The following PPP1R9A variants were observed in gnomAD, a reference collection of about 807,000 sequenced individuals.
PPP1R9A encodes the protein neurabin-1.
Under a neutral mutation model 141.9 loss-of-function variants are expected in PPP1R9A, and 59 were observed. That is an observed-to-expected ratio of 0.42 (90% confidence interval 0.34 to 0.52). The LOEUF is 0.52. PPP1R9A is among the 20% of genes least tolerant of loss of function. The pLI is 0.10. For missense variants in PPP1R9A, 1,444 were observed against 1,611.9 expected (o/e 0.90, Z 1.78); for synonymous variants, 500 against 569.7 (o/e 0.88, Z 1.74).
At chr7:95,137,537 G>A (rs1403303899) in intron 4 of PPP1R9A, among the ~76,000 whole-genome samples, 1 of 151,952 alleles carries the variant, frequency 6.6e-6, no homozygotes, top group Admixed American at 6.6e-5. Context: ...GAAATTAAGG[G>A]TTGATGGCAG....
chr7:94,945,970 A>T (rs902067976), intron 2 of PPP1R9A, among the ~76,000 whole-genome samples: 1 of 152,142 alleles, frequency 6.6e-6, no homozygotes, highest in African/African-American at 2.4e-5. Context: ...ATTCCAAAAA[A>T]GTTCAAAATT....
chr7:94,976,307 C>CATA (rs1441641996), intron 2 of PPP1R9A, among the ~76,000 whole-genome samples: 11 of 150,490 alleles, frequency 7.3e-5, no homozygotes, highest in Non-Finnish European at 1.5e-4. Context: ...GTGAGTCATG[C>CATA]ATAATACATT....
chr7:95,163,264 T>G (rs764408960), intron 5 of PPP1R9A, among the ~76,000 whole-genome samples: 41 of 152,220 alleles, frequency 2.7e-4, no homozygotes, highest in Non-Finnish European at 5.7e-4. Context: ...CTTGTGTTAT[T>G]ATTTTCAGCC....
intron 16 of PPP1R9A, among the ~76,000 whole-genome samples, chr7:95,281,587 T>C (rs1050065180): frequency 1.3e-5 from 2 of 152,202 alleles, no homozygotes; most frequent in African/African-American, 4.8e-5. Context: ...AGATGTGACC[T>C]TCAGATTTTT....
At chr7:95,086,522 AT>A (rs1584616705) in intron 2 of PPP1R9A, among the ~76,000 whole-genome samples, 1 of 152,020 alleles carries the variant, frequency 6.6e-6, no homozygotes, top group East Asian at 1.9e-4. Flanking sequence ...AATATCTTGA[AT>A]TTCCTTGCAA....
chr7:95,045,051 G>C (rs180795275), intron 2 of PPP1R9A, among the ~76,000 whole-genome samples: 106 of 152,120 alleles, frequency 7.0e-4, no homozygotes, highest in Non-Finnish European at 1.4e-3. Flanking sequence ...AATTAGGTAA[G>C]ATGATTGACT....
At chr7:95,153,132 G>A (rs543071698) in intron 4 of PPP1R9A, among the ~76,000 whole-genome samples, 2 of 152,268 alleles carry the variant, frequency 1.3e-5, no homozygotes, top group African/African-American at 4.8e-5. Context: ...TTACACGCAT[G>A]AGCCACTGCG....
At position 95,030,591 on chromosome 7, in the gene PPP1R9A, A is replaced by C. The variant is rs533931482; in HGVS notation, c.1396-80668A>C. ...TCCTAGAGGCAAATATTTTGGACTG[A>C]GTTTTCCTGTCCAAGTGTTAGCTCT... On this transcript the variant is annotated intron_variant, in intron 2 of 19. Coordinates refer to ENST00000433360, the MANE Select transcript of PPP1R9A (RefSeq NM_001166160.2). 1.1e-3 allele frequency among the ~76,000 whole-genome samples: 170 copies of C among 152,224 alleles called. 9 individuals carry two copies. The South Asian group carries it at 0.035, about 31-fold the overall frequency.
intron 4 of PPP1R9A, among the ~76,000 whole-genome samples, chr7:95,126,663 G>A (rs1385454092): frequency 6.6e-6 from 1 of 152,126 alleles, no homozygotes; most frequent in East Asian, 1.9e-4. Context: ...GTCTGATACA[G>A]AACTCTGTCT....
intron 2 of PPP1R9A, among the ~76,000 whole-genome samples, chr7:94,917,929 C>T (rs1457541254): frequency 6.6e-6 from 1 of 152,162 alleles, no homozygotes; most frequent in African/African-American, 2.4e-5. Context: ...TTTTTTCTAA[C>T]ACTTTCTCTA....
At chr7:95,289,474 C>T (rs1337305839) in intron 19 of PPP1R9A, among the ~76,000 whole-genome samples, 2 of 152,174 alleles carry the variant, frequency 1.3e-5, no homozygotes, top group Admixed American at 1.3e-4. Flanking sequence ...GCTGTTGATT[C>T]TGAAGGTCAC....
At chr7:94,977,330 G>A (rs1188508889) in intron 2 of PPP1R9A, among the ~76,000 whole-genome samples, 2 of 152,156 alleles carry the variant, frequency 1.3e-5, no homozygotes, top group African/African-American at 2.4e-5. Flanking sequence ...CAAGGAATCA[G>A]CAAAGTAGAC....
intron 8 of PPP1R9A, among the ~76,000 whole-genome samples, chr7:95,229,807 C>A (rs2152960435): frequency 6.6e-6 from 1 of 152,154 alleles, no homozygotes; most frequent in African/African-American, 2.4e-5. Context: ...CCTATAGGAC[C>A]CCAGCTCATG....
At chr7:95,232,757 CAT>C (rs1461763326) in intron 8 of PPP1R9A, among the ~76,000 whole-genome samples, 3 of 151,972 alleles carry the variant, frequency 2.0e-5, no homozygotes, top group Non-Finnish European at 2.9e-5. Context: ...GGCCAACAAA[CAT>C]ATGAAAAAAA....
At chr7:95,255,748 CA>C (rs1799495940) in intron 12 of PPP1R9A, among the ~76,000 whole-genome samples, 3 of 152,170 alleles carry the variant, frequency 2.0e-5, no homozygotes, top group Admixed American at 2.0e-4. Context: ...ATAACATTAG[CA>C]TAATTTTTTT....
chr7:95,220,256 C>T (rs1356998550), intron 7 of PPP1R9A, among the ~76,000 whole-genome samples: 1 of 152,088 alleles, frequency 6.6e-6, no homozygotes, highest in Non-Finnish European at 1.5e-5. Context: ...GTGAGTTTGA[C>T]GTTTTCCTCC....
chr7:95,156,130 T>C (rs1584990193), intron 4 of PPP1R9A: 2 of 151,534 alleles, frequency 1.3e-5, no homozygotes, highest in African/African-American at 4.9e-5. Flanking sequence ...TGGCAAGGGG[T>C]GTGTGAGGGA....
chr7:95,058,223 G>A (rs1187131883), intron 2 of PPP1R9A, among the ~76,000 whole-genome samples: 1 of 152,126 alleles, frequency 6.6e-6, no homozygotes, highest in East Asian at 1.9e-4. Context: ...AAAAATAATG[G>A]CTTAGGCTAA....
chr7:95,207,256 T>C (rs758702009), intron 7 of PPP1R9A, among the ~76,000 whole-genome samples: 6 of 151,794 alleles, frequency 4.0e-5, no homozygotes, highest in African/African-American at 7.3e-5. Flanking sequence ...AAAATAAATA[T>C]AAGGTCAAAA....
Sources: allele counts gnomAD v4.1 joint callset (sites outside exome capture counted in the v4.1 genomes callset), GRCh38; gene constraint gnomAD v4.1.1; transcripts MANE v1.5; gene names NCBI Gene and HGNC (gene_info 2026-07-23, HGNC 2026-07-21).